The following LRRC4C variants were observed in gnomAD, a reference collection of about 807,000 sequenced individuals.
The protein encoded by LRRC4C is leucine-rich repeat-containing protein 4C.
Under a neutral mutation model 33.6 loss-of-function variants are expected in LRRC4C, and 5 were observed. The observed-to-expected ratio is 0.15, with a 90% CI of 0.08 to 0.31. The LOEUF is 0.31. LRRC4C is among the 10% of genes least tolerant of loss of function. The pLI, the probability that LRRC4C is intolerant of heterozygous loss-of-function variation, is 1.00. For missense variants in LRRC4C, 560 were observed against 796.7 expected, an observed-to-expected ratio of 0.70 and a Z score of 3.58; for synonymous variants, 329 against 302.0, an observed-to-expected ratio of 1.09 and a Z score of -0.93.
chr11:41,289,778 A>C (rs1382705784), intron 1 of LRRC4C, among the ~76,000 whole-genome samples: 2 of 152,220 alleles, frequency 1.3e-5, no homozygotes, highest in Non-Finnish European at 2.9e-5. Flanking sequence ...GCATACTAAT[A>C]TATGTATTTT....
At chr11:40,277,500 G>A (rs991262841) in intron 4 of LRRC4C, among the ~76,000 whole-genome samples, 3 of 152,042 alleles carry the variant, frequency 2.0e-5, no homozygotes, top group African/African-American at 7.2e-5. Flanking sequence ...GTGAGGTTAA[G>A]GGAAAGAGTT....
intron 6 of LRRC4C, among the ~76,000 whole-genome samples, chr11:40,116,803 T>C (rs192696829): frequency 5.0e-4 from 76 of 152,350 alleles, no homozygotes; most frequent in East Asian, 5.8e-4. Context: ...CTATACACTT[T>C]ACAAACAAGC....
intron 5 of LRRC4C, among the ~76,000 whole-genome samples, chr11:40,162,141 T>C (rs1859206952): frequency 6.6e-6 from 1 of 151,738 alleles, no homozygotes; most frequent in African/African-American, 2.4e-5. Flanking sequence ...CTTTTCATTG[T>C]CTGGAAAACT....
chr11:40,779,816 T>C (rs1950145499), intron 2 of LRRC4C, among the ~76,000 whole-genome samples: 2 of 152,168 alleles, frequency 1.3e-5, no homozygotes, highest in South Asian at 4.1e-4. Flanking sequence ...CTGGGTGTAA[T>C]GAAACTGCTG....
chr11:40,182,185 G>T (rs1861061840), intron 5 of LRRC4C, among the ~76,000 whole-genome samples: 1 of 152,182 alleles, frequency 6.6e-6, no homozygotes. Flanking sequence ...AACACTTTCT[G>T]CTAAGCACAT....
intron 3 of LRRC4C, among the ~76,000 whole-genome samples, chr11:40,562,473 T>A (rs1460653476): frequency 6.6e-6 from 1 of 152,146 alleles, no homozygotes; most frequent in Non-Finnish European, 1.5e-5. Context: ...ATACTTTATG[T>A]TAAATCATTA....
intron 3 of LRRC4C, among the ~76,000 whole-genome samples, chr11:40,623,851 A>G (rs1360490664): frequency 2.0e-5 from 3 of 152,116 alleles, no homozygotes; most frequent in African/African-American, 7.2e-5. Context: ...CCTTATCTCA[A>G]CAGAATCAGT....
intron 3 of LRRC4C, among the ~76,000 whole-genome samples, chr11:40,569,840 A>C (rs1385978511): frequency 6.6e-6 from 1 of 152,062 alleles, no homozygotes; most frequent in Non-Finnish European, 1.5e-5. Flanking sequence ...TGAATCAATA[A>C]AAAGTGGATA....
chr11:40,845,450 G>C (rs765472905), intron 2 of LRRC4C, among the ~76,000 whole-genome samples: 12 of 152,098 alleles, frequency 7.9e-5, no homozygotes, highest in Non-Finnish European at 1.5e-4. Context: ...CTGTTCCTGT[G>C]TTAGTTTGCT....
intron 1 of LRRC4C, among the ~76,000 whole-genome samples, chr11:41,162,585 C>A (rs1422035813): frequency 6.6e-6 from 1 of 152,126 alleles, no homozygotes; most frequent in Non-Finnish European, 1.5e-5. Flanking sequence ...GGCTACAAAC[C>A]TGTACGGTAT....
At chr11:40,846,020 G>GT (rs140994322) in intron 2 of LRRC4C, among the ~76,000 whole-genome samples, 103 of 142,152 alleles carry the variant, frequency 7.2e-4, no homozygotes, top group Non-Finnish European at 1.1e-3. Flanking sequence ...ACTTTCTGAT[G>GT]TTTTTTTTTT....
chr11:40,448,585 C>CT (rs906398207), intron 3 of LRRC4C, among the ~76,000 whole-genome samples: 40 of 152,210 alleles, frequency 2.6e-4, no homozygotes, highest in African/African-American at 8.4e-4. Context: ...TGAACTCATC[C>CT]TTTTTTACAG....
intron 1 of LRRC4C, among the ~76,000 whole-genome samples, chr11:41,137,123 C>T: frequency 6.6e-6 from 1 of 151,898 alleles, no homozygotes; most frequent in Non-Finnish European, 1.5e-5. Context: ...TGGCGTGTCC[C>T]TGTAGTCCCA....
intron 5 of LRRC4C, among the ~76,000 whole-genome samples, chr11:40,219,747 G>T (rs1387837570): frequency 1.3e-5 from 2 of 151,010 alleles, no homozygotes; most frequent in African/African-American, 2.4e-5. Flanking sequence ...AAATTGGGGG[G>T]GTGGATATAG....
intron 3 of LRRC4C, among the ~76,000 whole-genome samples, chr11:40,520,110 A>G (rs1030704509): frequency 1.3e-5 from 2 of 152,198 alleles, no homozygotes; most frequent in Non-Finnish European, 2.9e-5. Context: ...GGGCTCTTAA[A>G]AATTATGCTA....
intron 1 of LRRC4C, among the ~76,000 whole-genome samples, chr11:41,412,032 A>G (rs1028694281): frequency 6.6e-6 from 1 of 152,268 alleles, no homozygotes. Context: ...GATGATAATC[A>G]TACAGGTACA....
chr11:40,331,878 CA>C (rs1412353993), intron 3 of LRRC4C, among the ~76,000 whole-genome samples: 1 of 152,106 alleles, frequency 6.6e-6, no homozygotes, highest in African/African-American at 2.4e-5. Flanking sequence ...TCATAGTTTC[CA>C]TAATTACATA....
chr11:41,283,122 T>C (rs879932268), intron 1 of LRRC4C, among the ~76,000 whole-genome samples: 2 of 152,222 alleles, frequency 1.3e-5, no homozygotes, highest in Non-Finnish European at 2.9e-5. Context: ...AATAAATTTT[T>C]ATTAGTTCAG....
intron 4 of LRRC4C, among the ~76,000 whole-genome samples, chr11:40,257,352 C>T (rs1867289930): frequency 6.6e-6 from 1 of 151,982 alleles, no homozygotes; most frequent in African/African-American, 2.4e-5. Flanking sequence ...TTACTATATA[C>T]CAAGTATAAA....
Sources: gnomAD v4.1 joint callset for allele counts (sites outside exome capture counted in the v4.1 genomes callset) on GRCh38, gnomAD v4.1.1 for gene constraint, MANE v1.5 for transcripts, NCBI Gene and HGNC (gene_info 2026-07-23, HGNC 2026-07-21) for gene names.